Variants in DNAI3 observed in about 807,000 individuals in gnomAD.
DNAI3 encodes dynein axonemal intermediate chain 3, also known as WD repeat domain 63.
Under a neutral mutation model 115.5 loss-of-function variants are expected in DNAI3, and 83 were observed. The observed-to-expected ratio is 0.72, with a 90% CI of 0.60 to 0.86. The LOEUF is 0.86. Ranked by LOEUF, DNAI3 falls within the 40% of genes least tolerant of loss-of-function variation. The probability of loss-of-function intolerance (pLI) is 0.00; values close to 1 mark genes in which losing one functional copy is unlikely to be tolerated. For synonymous variants in DNAI3, 320 were observed against 347.0 expected, an observed-to-expected ratio of 0.92 and a Z score of 0.86; for missense variants, 1,004 against 1,075.8, an observed-to-expected ratio of 0.93 and a Z score of 0.93.
intron 7 of DNAI3, among the ~76,000 whole-genome samples, chr1:85,087,205 AG>A (rs1465671288): frequency 6.6e-6 from 1 of 152,048 alleles, no homozygotes; most frequent in Non-Finnish European, 1.5e-5. Context: ...TGGGAGGCTG[AG>A]GTGGGCTGAT....
chr1:85,078,935 G>A (rs1654544534), intron 3 of DNAI3, among the ~76,000 whole-genome samples: 1 of 152,244 alleles, frequency 6.6e-6, no homozygotes, highest in Admixed American at 6.5e-5. Context: ...TATCAAGCCA[G>A]TAGAATTCGA....
chr1:85,086,134 A>G, intron 7 of DNAI3, 104 bp downstream of exon 7: 1 of 1,033,702 alleles, frequency 9.7e-7, no homozygotes, highest in South Asian at 1.6e-5. Flanking sequence ...GAAATGGATT[A>G]ATGATGATGA....
chr1:85,069,658 T>A (rs1654208404), intron 1 of DNAI3, among the ~76,000 whole-genome samples: 1 of 151,938 alleles, frequency 6.6e-6, no homozygotes, highest in Non-Finnish European at 1.5e-5. Context: ...AATGCTGGGA[T>A]TACAGCCATG....
chr1:85,129,116 C>A (rs765335334), intron 21 of DNAI3, among the ~76,000 whole-genome samples: 22 of 151,884 alleles, frequency 1.4e-4, no homozygotes, highest in Non-Finnish European at 2.5e-4. Flanking sequence ...TCAGTGATAC[C>A]CTTCCCTGAG....
Position 85,082,316 on chromosome 1 carries a change from A to C in DNAI3, c.302A>C (p.Glu101Ala). Residue 101 changes from glutamate to alanine, a missense_variant, in exon 5 of 23, where the codon GAG (glutamate) becomes GCG (alanine). Glu to Ala is a moderately radical substitution (Grantham distance 107). This residue lies in a region of DNAI3 where 550 missense variants were observed against 568.1 expected (regional missense o/e 0.97). Transcript: ENST00000294664. The part of the protein sequence containing the change: ...KKIVQEYPGN[E>A]LLLVYDKDFK... ...TTCTTGTAGGAATATCCTGGAAATG[A>C]GCTTCTGCTTGTTTATGACAAAGAC... is the stretch of plus-strand genomic sequence containing the variant. 2 of 1,613,038 alleles carry C rather than the reference A, an allele frequency of 1.2e-6. No homozygotes were observed. The highest frequency in any genetic ancestry group is 1.7e-6 in the Non-Finnish European group (2 of 1,179,288).
chr1:85,084,457 G>A (rs564798923), intron 5 of DNAI3, 89 bp from the exon 6 acceptor site: 6 of 994,526 alleles, frequency 6.0e-6, no homozygotes, highest in Middle Eastern at 4.0e-4. Flanking sequence ...TTATATAAAA[G>A]TAAAGTTTGT....
intron 16 of DNAI3, 26 bp from the exon 17 acceptor site, chr1:85,117,703 T>G (rs139338638): frequency 3.6e-5 from 58 of 1,606,354 alleles, no homozygotes; most frequent in Middle Eastern, 1.7e-4. Flanking sequence ...AAATATGTAC[T>G]TCTTCTACCC....
intron 15 of DNAI3, among the ~76,000 whole-genome samples, chr1:85,108,953 A>G (rs1290048496): frequency 1.3e-5 from 2 of 152,230 alleles, no homozygotes; most frequent in South Asian, 2.1e-4. Context: ...GTTAGTCCAG[A>G]AAAGCTAATT....
intron 16 of DNAI3, among the ~76,000 whole-genome samples, chr1:85,110,449 T>TTAAATAAA (rs748063652): frequency 9.6e-5 from 1 of 10,364 alleles, no homozygotes; most frequent in Non-Finnish European, 1.9e-4. Flanking sequence ...AGACTCCATC[T>TTAAATAAA]CAAATAAATA....
At chr1:85,092,134 C>T (rs1313488087) in intron 8 of DNAI3, among the ~76,000 whole-genome samples, 3 of 152,126 alleles carry the variant, frequency 2.0e-5, no homozygotes, top group Non-Finnish European at 2.9e-5. Flanking sequence ...CTCAGTAAGT[C>T]GGGTGGAGCC....
rs1181757530 is a variant in DNAI3, at chr1:85,130,032, C to T, written c.2452C>T (p.Leu818=). The T allele has an allele frequency of 9.3e-6, 15 of 1,612,908 alleles. No homozygotes were observed. The highest frequency in any genetic ancestry group is 1.3e-5 in the African/African-American group (1 of 74,790). ...CTATTTTGAAAGAGAAGTCAAGCATCTGGAATACGTAGAACAGCGCAAAAA... is the reference window on the plus strand; with the variant it reads ...CTATTTTGAAAGAGAAGTCAAGCATTTGGAATACGTAGAACAGCGCAAAAA... The part of the protein sequence containing the change: ...NHYFEREVKH[L]EYVEQRKKIR... The change falls in exon 22 of 23, where the codon CTG becomes TTG. Residue 818 remains leucine (L), a synonymous_variant. Coordinates refer to ENST00000294664, the MANE Select transcript of DNAI3 (RefSeq NM_145172.5).
intron 16 of DNAI3, among the ~76,000 whole-genome samples, chr1:85,117,354 C>T (rs960915235): frequency 3.9e-5 from 6 of 151,912 alleles, no homozygotes; most frequent in African/African-American, 1.5e-4. Flanking sequence ...CTTTATTCTC[C>T]AAGGCTTAAA....
At chr1:85,102,598 G>A (rs1409704378) in intron 13 of DNAI3, among the ~76,000 whole-genome samples, 1 of 152,134 alleles carries the variant, frequency 6.6e-6, no homozygotes, top group Non-Finnish European at 1.5e-5. Flanking sequence ...ATAAAGTGGT[G>A]AAACCAGAAC....
chr1:85,072,054 A>G (rs1158640610), intron 2 of DNAI3, 49 bp downstream of exon 2: 2 of 1,512,664 alleles, frequency 1.3e-6, no homozygotes, highest in East Asian at 2.3e-5. Flanking sequence ...GTATTTGTGT[A>G]TATATTAGCA....
At chr1:85,095,815 G>A (rs987518686) in intron 10 of DNAI3, 116 bp from the exon 11 acceptor site, 25 of 960,242 alleles carry the variant, frequency 2.6e-5, no homozygotes, top group African/African-American at 4.8e-5. Context: ...GACTCTCTAC[G>A]CACCTTGCTT....
rs748495253 is a variant in DNAI3, at chr1:85,081,447, C to G, written c.285+32C>G. ...ACAATATCCCTATTTATTTTCAGTC[C>G]TACCTCAAGAAGTTCCTGGTACATA... On this transcript the variant is annotated intron_variant, in intron 4 of 22. Transcript: ENST00000294664. 2.7e-6 allele frequency: 4 copies of G among 1,507,558 alleles called. No individual in the cohort carries two copies. In the East Asian group the frequency reaches 1.0e-4, roughly 38 times the overall value. The allele number at this position is 1,507,558 out of a possible 1,614,324, so 93.4% of individuals were successfully genotyped here.
intron 17 of DNAI3, among the ~76,000 whole-genome samples, chr1:85,119,942 C>T (rs1001383740): frequency 2.0e-5 from 3 of 152,296 alleles, no homozygotes; most frequent in South Asian, 2.1e-4. Flanking sequence ...TCAGGTGATC[C>T]GCTCGCCTTG....
Position 85,081,488 on chromosome 1 carries a change from G to T in DNAI3, c.285+73G>T, listed in dbSNP as rs2100566728. 3 of 1,404,076 alleles carry T rather than the reference G, an allele frequency of 2.1e-6. No individual in the cohort carries two copies. In the African/African-American group the frequency reaches 4.5e-5, roughly 21 times the overall value. 87.0% of individuals were successfully genotyped at this position (1,404,076 alleles called of 1,614,324 possible). Reference sequence around the variant, plus strand: ...CTGGTACATAATAACAAAAGTTGGAGAGGTTGTTGGTTCAAATCTGGCCCC... The same window carrying T: ...CTGGTACATAATAACAAAAGTTGGATAGGTTGTTGGTTCAAATCTGGCCCC... On this transcript the variant is annotated intron_variant, in intron 4 of 22. Coordinates refer to ENST00000294664, the MANE Select transcript of DNAI3 (RefSeq NM_145172.5).
Position 85,090,211 on chromosome 1 carries a change from T to C in DNAI3, c.836T>C (p.Phe279Ser). The C allele has an allele frequency of 6.4e-7, 1 of 1,568,716 alleles. No individual in the cohort carries two copies. ...AAACAATCAAAGCCTTTGGTTGATT[T>C]TCTTAACAATGCATCCATAAGGTAA... ...TLKQSKPLVD[F>S]LNNASISVEI... Residue 279 changes from phenylalanine (F) to serine (S), a missense_variant, in exon 8 of 23, where the codon TTT becomes TCT. This residue lies in a region of DNAI3 where 550 missense variants were observed against 568.1 expected (regional missense o/e 0.97). Coordinates refer to ENST00000294664, the MANE Select transcript of DNAI3 (RefSeq NM_145172.5).
Sources: allele counts gnomAD v4.1 joint callset (sites outside exome capture counted in the v4.1 genomes callset), GRCh38; gene constraint gnomAD v4.1.1; regional missense constraint gnomAD v4.1.1; transcripts MANE v1.5; gene names NCBI Gene and HGNC (gene_info 2026-07-23, HGNC 2026-07-21).